BRCA2: variants seen among roughly 807,000 people sequenced by gnomAD.
The protein encoded by BRCA2 is BRCA2 DNA repair associated.
A neutral mutation model predicts 276.7 loss-of-function variants in BRCA2; 203 were observed. That is an observed-to-expected ratio of 0.73 (90% confidence interval 0.65 to 0.82). The LOEUF (loss-of-function observed/expected upper bound fraction) is 0.82. BRCA2 is among the 40% of genes least tolerant of loss of function. The pLI is 0.00. For synonymous variants in BRCA2, 1,289 were observed against 1,338.4 expected, an observed-to-expected ratio of 0.96 and a Z score of 0.81; for missense variants, 3,920 against 3,915.0, an observed-to-expected ratio of 1.00 and a Z score of -0.03.
chr13:32,363,143 A>G (rs2072752627), intron 17 of BRCA2, 36 bp from the exon 18 acceptor site: 2 of 1,549,494 alleles, frequency 1.3e-6, no homozygotes, highest in Non-Finnish European at 1.8e-6. Flanking sequence ...CTAGAGTCAC[A>G]CTTCCTAAAA....
Position 32,325,097 on chromosome 13 carries a change from G to C in BRCA2, c.338G>C (p.Arg113Thr), listed in dbSNP as rs876659161. 1 of 1,597,488 alleles carries C rather than the reference G, an allele frequency of 6.3e-7. No individual in the cohort carries two copies. The highest frequency in any genetic ancestry group is 8.6e-7 in the Non-Finnish European group (1 of 1,165,122). Residue 113 changes from arginine to threonine, a missense_variant, in exon 4 of 27, where the codon AGA (arginine) becomes ACA (threonine). Around this residue, in one of 2 missense-constraint regions of BRCA2, gnomAD observed 3,263 missense variants for 3,156.9 expected, o/e 1.03. Transcript: ENST00000380152. ...LDLGRNVPNS[R>T]HKSLRTVKTK... Reference sequence around the variant, plus strand: ...TCAGGAAGGAATGTTCCCAATAGTAGACATAAAAGTCTTCGCACAGTGAAA... The same window carrying C: ...TCAGGAAGGAATGTTCCCAATAGTACACATAAAAGTCTTCGCACAGTGAAA...
rs762752733 is a variant in BRCA2, at chr13:32,337,552, A to T, written c.3197A>T (p.Asn1066Ile). 3.1e-6 allele frequency: 5 copies of T among 1,607,994 alleles called. No individual in the cohort carries two copies. The highest frequency in any genetic ancestry group is 4.2e-6 in the Non-Finnish European group (5 of 1,176,884). Residue 1066 changes from asparagine to isoleucine, a missense_variant, in exon 11 of 27, where the codon AAT (asparagine) becomes ATT (isoleucine). Around this residue, in one of 2 missense-constraint regions of BRCA2, gnomAD observed 3,263 missense variants for 3,156.9 expected, o/e 1.03. Transcript: ENST00000380152. ...QKKLSKPQSINTVSAHLQSSV... is the reference protein window; with the variant it reads ...QKKLSKPQSIITVSAHLQSSV... ...AAACTGAGCAAGCCTCAGTCAATTA[A>T]TACTGTATCTGCACATTTACAGAGT...
chr13:32,365,127 T>C (rs1378502479), intron 18 of BRCA2, among the ~76,000 whole-genome samples: 14 of 140,208 alleles, frequency 1.0e-4, no homozygotes, highest in African/African-American at 3.7e-4. Flanking sequence ...TTTTTTTTTT[T>C]TTTTTTTTTT....
chr13:32,372,923 G>A (rs2072844197), intron 20 of BRCA2, among the ~76,000 whole-genome samples: 1 of 152,058 alleles, frequency 6.6e-6, no homozygotes, highest in Non-Finnish European at 1.5e-5. Flanking sequence ...CATCTCAAGT[G>A]GGAGAAATTG....
chr13:32,365,721 C>CTTTTTTTTTTTTTTTTTTT (rs36116910), intron 18 of BRCA2, among the ~76,000 whole-genome samples: 1 of 105,862 alleles, frequency 9.4e-6, no homozygotes, highest in East Asian at 2.8e-4. Flanking sequence ...ACTTTGGTGT[C>CTTTTTTTTTTTTTTTTTTT]TTTTTTTTTT....
At chr13:32,385,098 A>G (rs564596667) in intron 24 of BRCA2, 39 of 263,702 alleles carry the variant, frequency 1.5e-4, no homozygotes, top group Admixed American at 4.4e-4. Flanking sequence ...GTGAGGAAGA[A>G]CGGGCCTTGC....
chr13:32,388,033 G>T (rs1225723746), intron 24 of BRCA2, among the ~76,000 whole-genome samples: 1 of 151,870 alleles, frequency 6.6e-6, no homozygotes, highest in Non-Finnish European at 1.5e-5. Flanking sequence ...TCTTTGTCTT[G>T]TGTCTTTATT....
chr13:32,388,524 A>G (rs1335055493), intron 24 of BRCA2, among the ~76,000 whole-genome samples: 1 of 152,086 alleles, frequency 6.6e-6, no homozygotes, highest in Non-Finnish European at 1.5e-5. Context: ...TACATGAGAT[A>G]TTCAACACTT....
chr13:32,336,369 A>G lies in BRCA2; in HGVS notation c.2014A>G (p.Arg672Gly), dbSNP rs587781647. ...TGGGACAATTCTGAGGAAATGTTCTAGAAATGAAACATGTTCTAATAATAC... is the reference window on the plus strand; with the variant it reads ...TGGGACAATTCTGAGGAAATGTTCTGGAAATGAAACATGTTCTAATAATAC... ...SFGTILRKCS[R>G]NETCSNNTVI... The change falls in exon 11 of 27, where the codon AGA becomes GGA. Residue 672 changes from arginine to glycine, a missense_variant. Coordinates refer to ENST00000380152, the MANE Select transcript of BRCA2 (RefSeq NM_000059.4). 11 of 1,610,410 alleles carry G rather than the reference A, an allele frequency of 6.8e-6. No individual in the cohort carries two copies. The highest frequency in any genetic ancestry group is 1.1e-5 in the South Asian group (1 of 90,318).
intron 18 of BRCA2, among the ~76,000 whole-genome samples, chr13:32,368,186 A>AT (rs1159382552): frequency 1.3e-5 from 2 of 150,954 alleles, no homozygotes; most frequent in South Asian, 2.1e-4. Context: ...CACCTGGCTA[A>AT]TTTTTTTGTA....
Position 32,340,661 on chromosome 13 carries a change from A to T in BRCA2, c.6306A>T (p.Val2102=), listed in dbSNP as rs2137526225. Residue 2102 remains valine, a synonymous_variant, in exon 11 of 27, where the codon GTA becomes GTT. Transcript: ENST00000380152. ...LHYSPTSRQN[V]SKILPRVDKR... The stretch of plus-strand genomic sequence containing the variant: ...ATTCACCTACGTCTAGACAAAATGT[A>T]TCAAAAATACTTCCTCGTGTTGATA... 6.2e-7 allele frequency: 1 copy of T among 1,607,296 alleles called. No homozygotes were observed. The highest frequency in any genetic ancestry group is 8.5e-7 in the Non-Finnish European group (1 of 1,178,328).
At position 32,337,885 on chromosome 13, in the gene BRCA2, A is replaced by C. The variant is rs761130568; in HGVS notation, c.3530A>C (p.Asp1177Ala). Residue 1177 changes from aspartate to alanine, a missense_variant, in exon 11 of 27, where the codon GAC becomes GCC. Asp to Ala is a moderately radical substitution (Grantham distance 126). This residue lies in a region of BRCA2 where 3,263 missense variants were observed against 3,156.9 expected (regional missense o/e 1.03). Coordinates refer to ENST00000380152, the MANE Select transcript of BRCA2 (RefSeq NM_000059.4). Reference protein sequence around the residue: ...IMNAPSIGQVDSSKQFEGTVE... With the variant: ...IMNAPSIGQVASSKQFEGTVE... The stretch of plus-strand genomic sequence containing the variant: ...AATGCCCCATCGATTGGTCAGGTAG[A>C]CAGCAGCAAGCAATTTGAAGGTACA... The C allele has an allele frequency of 6.2e-7, 1 of 1,614,116 alleles. No homozygotes were observed. Among genetic ancestry groups the C allele is most frequent in the South Asian group, 1.1e-5 (1 of 91,088 alleles).
At chr13:32,325,835 C>T (rs562713175) in intron 4 of BRCA2, among the ~76,000 whole-genome samples, 18 of 152,286 alleles carry the variant, frequency 1.2e-4, no homozygotes, top group Middle Eastern at 6.8e-3. Flanking sequence ...CCACTGTGCC[C>T]GGCCTACTTT....
At chr13:32,388,200 C>A (rs926057420) in intron 24 of BRCA2, among the ~76,000 whole-genome samples, 9 of 151,500 alleles carry the variant, frequency 5.9e-5, no homozygotes, top group Non-Finnish European at 4.4e-5. Context: ...CTCACTGCAG[C>A]CTCTGCCTCC....
Position 32,328,094 on chromosome 13 carries a change from G to A in BRCA2, c.632-1349G>A, listed in dbSNP as rs758925099. 5.7e-4 allele frequency among the ~76,000 whole-genome samples: 86 copies of A among 152,162 alleles called. 1 individual carries two copies. The highest frequency in any genetic ancestry group is 1.1e-3 in the Non-Finnish European group (74 of 67,994). On this transcript the variant is annotated intron_variant, in intron 7 of 26. Transcript: ENST00000380152. ...AATAAACATACAAGTTTAAAGAAAT[G>A]TCTGTACATAAATGTGATTATAGTA...
chr13:32,371,061 T>G lies in BRCA2; in HGVS notation c.8593T>G (p.Leu2865Val), dbSNP rs80359117. Reference protein sequence around the residue: ...VEAQQKRLEALFTKIQEEFEE... With the variant: ...VEAQQKRLEAVFTKIQEEFEE... ...GGCCCAACAAAAGAGACTAGAAGCC[T>G]TATTCACTAAAATTCAGGAGGAATT... The change falls in exon 20 of 27, where the codon TTA becomes GTA. Residue 2865 changes from leucine (L) to valine (V), a missense_variant. Around this residue, in one of 2 missense-constraint regions of BRCA2, gnomAD observed 657 missense variants for 758.2 expected, o/e 0.87. Transcript: ENST00000380152. 6.2e-6 allele frequency: 10 copies of G among 1,614,122 alleles called. No individual in the cohort carries two copies. Among genetic ancestry groups the G allele is most frequent in the Non-Finnish European group, 8.5e-6 (10 of 1,179,980 alleles).
chr13:32,382,982 A>G (rs746698450), intron 24 of BRCA2, among the ~76,000 whole-genome samples: 80 of 152,336 alleles, frequency 5.3e-4, no homozygotes, highest in Non-Finnish European at 9.6e-4. Context: ...GAGTTGATAT[A>G]CAAGAGGAAA....
chr13:32,355,873 ACT>A (rs2072689841), intron 14 of BRCA2, among the ~76,000 whole-genome samples: 1 of 150,948 alleles, frequency 6.6e-6, no homozygotes, highest in Middle Eastern at 3.4e-3. Context: ...AGAGTGAAAA[ACT>A]CTGTCTCAAA....
rs776233733 is a variant in BRCA2 at position 32,356,510 on chromosome 13, G to T, written c.7518G>T (p.Gln2506His). ...KKKQRQRVFP[Q>H]PGSLYLAKTS... ...AACAAAGGCAACGCGTCTTTCCACAGCCAGGCAGTCTGTATCTTGCAAAAA... is the reference window on the plus strand; with the variant it reads ...AACAAAGGCAACGCGTCTTTCCACATCCAGGCAGTCTGTATCTTGCAAAAA... Residue 2506 changes from glutamine (Q) to histidine (H), a missense_variant, in exon 15 of 27, where the codon CAG (glutamine) becomes CAT (histidine). Around this residue, in one of 2 missense-constraint regions of BRCA2, gnomAD observed 3,263 missense variants for 3,156.9 expected, o/e 1.03. Coordinates refer to ENST00000380152, the MANE Select transcript of BRCA2 (RefSeq NM_000059.4). The T allele has an allele frequency of 1.2e-6, 2 of 1,614,212 alleles. No individual in the cohort carries two copies. Among genetic ancestry groups the T allele is most frequent in the South Asian group, 2.2e-5 (2 of 91,092 alleles).
Sources: gnomAD v4.1 joint callset for allele counts (sites outside exome capture counted in the v4.1 genomes callset) on GRCh38, gnomAD v4.1.1 for gene constraint, gnomAD v4.1.1 regional missense constraint, MANE v1.5 for transcripts, NCBI Gene and HGNC (gene_info 2026-07-23, HGNC 2026-07-21) for gene names.